Variants in PWWP3A observed in about 807,000 individuals in gnomAD.
PWWP3A encodes the protein PWWP domain containing 3A, DNA repair factor.
Under a neutral mutation model 79.0 loss-of-function variants are expected in PWWP3A, and 53 were observed. The ratio of observed to expected loss-of-function variants is 0.67; its 90% CI spans 0.54 to 0.84. The LOEUF (loss-of-function observed/expected upper bound fraction) is 0.84. Among genes scored for constraint, PWWP3A ranks in the 40% least tolerant of loss-of-function variants. PWWP3A has a pLI of 0.00. For synonymous variants in PWWP3A, 443 were observed against 394.4 expected (o/e 1.12, Z -1.46); for missense variants, 973 against 948.0 (o/e 1.03, Z -0.35).
intron 7 of PWWP3A, 87 bp from the exon 8 acceptor site, chr19:1,366,218 A>T: frequency 1.5e-6 from 2 of 1,320,170 alleles, no homozygotes; most frequent in Non-Finnish European, 1.1e-6. Flanking sequence ...AGCGCCTGTT[A>T]GATGTATCAT....
chr19:1,362,821 A>G (rs1177000855), intron 6 of PWWP3A, among the ~76,000 whole-genome samples: 1 of 152,216 alleles, frequency 6.6e-6, no homozygotes, highest in African/African-American at 2.4e-5. Context: ...AGCTGCTTGC[A>G]CTAGAGGAAA....
rs1463342559 is a variant in PWWP3A, at chr19:1,362,048, C to T, written c.1112-202C>T. The stretch of plus-strand genomic sequence containing the variant: ...GCCTCTCTCCCTCCCTCCTTCCCTC[C>T]TTCCCTCCTTCCCTCTTGCGTTTTT... On this transcript the variant is annotated intron_variant, in intron 5 of 13. Transcript: ENST00000591337. The T allele has an allele frequency of 2.2e-5, 9 of 406,494 alleles. No homozygotes were observed. In the East Asian group the frequency reaches 3.7e-4, roughly 17 times the overall value. 25.2% of individuals were successfully genotyped at this position (406,494 alleles called of 1,614,324 possible).
intron 5 of PWWP3A, 45 bp downstream of exon 5, chr19:1,361,077 T>A: frequency 7.2e-7 from 1 of 1,381,546 alleles, no homozygotes; most frequent in Non-Finnish European, 9.4e-7. Flanking sequence ...GGTGGAGTCC[T>A]GCTCCTCCGC....
At chr19:1,364,614 TTAC>T in intron 7 of PWWP3A, 35 bp downstream of exon 7, 4 of 1,429,842 alleles carry the variant, frequency 2.8e-6, no homozygotes, top group Non-Finnish European at 2.9e-6. Flanking sequence ...TCAGATGTAG[TTAC>T]TTAAATTTCA....
rs1316318624 is a variant in PWWP3A, at chr19:1,370,733, G to C, written c.1641G>C (p.Gly547=). The C allele has an allele frequency of 2.7e-6, 4 of 1,477,870 alleles. No homozygotes were observed. The highest frequency in any genetic ancestry group is 3.6e-6 in the Non-Finnish European group (4 of 1,111,550). 91.5% of individuals were successfully genotyped at this position (1,477,870 alleles called of 1,614,324 possible). A position where few individuals can be genotyped will look rare whatever the true frequency, so the allele number is the denominator to read the frequency against. ...SKGSPEEPVV[G]CPLGQRQPCR... ...GGAGCCCCGAGGAGCCCGTGGTGGG[G>C]TGCCCCCTGGGGCAGAGGCAGCCCT... is the stretch of plus-strand genomic sequence containing the variant. Residue 547 remains glycine (G), a synonymous_variant, in exon 12 of 14, where the codon GGG becomes GGC. Coordinates refer to ENST00000591337, the MANE Select transcript of PWWP3A (RefSeq NM_001369789.1).
chr19:1,360,413 C>T lies in PWWP3A; in HGVS notation c.492C>T (p.Phe164=). The T allele has an allele frequency of 6.2e-7, 1 of 1,614,138 alleles. No individual in the cohort carries two copies. The highest frequency in any genetic ancestry group is 8.5e-7 in the Non-Finnish European group (1 of 1,180,040). The change falls in exon 5 of 14, where the codon TTC becomes TTT. Residue 164 remains phenylalanine (F), a synonymous_variant. Transcript: ENST00000591337. The surrounding 1 kb of genome is among the most constrained non-coding windows in gnomAD (Gnocchi z 4.4). ...TGCAACAAAGCCTGTCAAGTTCGTT[C>T]ACTTGTGAAAAGGACCCCGAGTGCA... ...PCVQQSLSSS[F]TCEKDPECKV...
chr19:1,363,074 G>C lies in PWWP3A; in HGVS notation c.1213+723G>C, dbSNP rs370809524. Among the ~76,000 whole-genome samples the C allele has an allele frequency of 1.4e-4, 22 of 152,344 alleles. No homozygotes were observed. In the East Asian group the frequency reaches 3.9e-3, roughly 27 times the overall value. On this transcript the variant is annotated intron_variant, in intron 6 of 13. Coordinates refer to ENST00000591337, the MANE Select transcript of PWWP3A (RefSeq NM_001369789.1). ...TTGCAAAAATAGTAAAGGGAGGTGA[G>C]GGGGCTTCTCACCCGGGCTTCCCCA... is the stretch of plus-strand genomic sequence containing the variant.
rs750188102 is a variant in PWWP3A at position 1,360,774 on chromosome 19, G to C, written c.853G>C (p.Ala285Pro). 3.3e-5 allele frequency: 53 copies of C among 1,609,690 alleles called. No homozygotes were observed. The highest frequency in any genetic ancestry group is 4.2e-5 in the Non-Finnish European group (50 of 1,178,218). The change falls in exon 5 of 14, where the codon GCC (alanine) becomes CCC (proline). Residue 285 changes from alanine to proline, a missense_variant. Coordinates refer to ENST00000591337, the MANE Select transcript of PWWP3A (RefSeq NM_001369789.1). The surrounding 1 kb of genome is among the most constrained non-coding windows in gnomAD (Gnocchi z 4.4). ...LPLGSLTAPPAPEPSACSEPG... is the reference protein window; with the variant it reads ...LPLGSLTAPPPPEPSACSEPG... ...GTTGGGCAGCCTCACTGCGCCCCCAGCCCCTGAGCCCTCGGCCTGCTCAGA... is the reference window on the plus strand; with the variant it reads ...GTTGGGCAGCCTCACTGCGCCCCCACCCCCTGAGCCCTCGGCCTGCTCAGA...
At position 1,373,119 on chromosome 19, in the gene PWWP3A, G is replaced by T. The variant is rs143416713; in HGVS notation, c.2034G>T (p.Thr678=). The T allele has an allele frequency of 9.3e-5, 150 of 1,614,242 alleles. 2 individuals carry two copies. In the African/African-American group the frequency reaches 1.8e-3, roughly 20 times the overall value. The change falls in exon 13 of 14, where the codon ACG becomes ACT. Residue 678 remains threonine (T), a synonymous_variant. Transcript: ENST00000591337. ...CGGTGGACGAGGTGGACTACAAGAC[G>T]GCTGAGGAGAAGTACATCAAGGGGC... is the stretch of plus-strand genomic sequence containing the variant. The part of the protein sequence containing the change: ...ISAVDEVDYK[T]AEEKYIKGPS...
At position 1,369,291 on chromosome 19, in the gene PWWP3A, GGACATCGGCTGGT is replaced by G; in HGVS notation, c.1451_1463del (p.Asp484ValfsTer12). 1 of 1,614,118 alleles carries G rather than the reference GGACATCGGCTGGT, an allele frequency of 6.2e-7. No individual in the cohort carries two copies. The highest frequency in any genetic ancestry group is 8.5e-7 in the Non-Finnish European group (1 of 1,180,020). On this transcript the variant is annotated frameshift_variant, in exon 10 of 14. Coordinates refer to ENST00000591337, the MANE Select transcript of PWWP3A (RefSeq NM_001369789.1). LOFTEE classifies it high-confidence loss of function. The surrounding 1 kb of genome is among the most constrained non-coding windows in gnomAD (Gnocchi z 4.0). ...ATCAAGCCAGGGAGGACTTCAACCA[GGACATCGGCTGGT>G]GTGTCTCCCTCATCACCGACTACAG...
rs200577591 is a variant in PWWP3A, at chr19:1,357,049, G to C, written c.98G>C (p.Arg33Thr). The C allele has an allele frequency of 6.2e-7, 1 of 1,613,392 alleles. No homozygotes were observed. The highest frequency in any genetic ancestry group is 1.1e-5 in the South Asian group (1 of 90,798). The stretch of plus-strand genomic sequence containing the variant: ...GCGACTTCAACAAAAAATAAGAGAA[G>C]AAAGGAATATTTTCTAGCTGTGCAA... ...RTATSTKNKR[R>T]KEYFLAVQIL... Residue 33 changes from arginine to threonine, a missense_variant, in exon 3 of 14, where the codon AGA becomes ACA. Transcript: ENST00000591337.
At position 1,362,336 on chromosome 19, in the gene PWWP3A, G is replaced by C. The variant is rs2082035895; in HGVS notation, c.1198G>C (p.Val400Leu). Residue 400 changes from valine (V) to leucine (L), a missense_variant, in exon 6 of 14, where the codon GTC becomes CTC. Val to Leu is a conservative substitution (Grantham distance 32). Transcript: ENST00000591337. Reference protein sequence around the residue: ...EDEEDEEPPRVLLYHEPRSFE... With the variant: ...EDEEDEEPPRLLLYHEPRSFE... ...CGAGGAAGACGAGGAGCCACCAAGA[G>C]TCCTTTTATACCACGGTAAGAAATG... The C allele has an allele frequency of 6.2e-7, 1 of 1,613,868 alleles. No individual in the cohort carries two copies. Among genetic ancestry groups the C allele is most frequent in the African/African-American group, 1.3e-5 (1 of 74,920 alleles).
rs1398496818 is a variant in PWWP3A, at chr19:1,376,297, TTTTTTTTTTGTTTG to T, written c.2076-212_2076-199del. Among the ~76,000 whole-genome samples, 89 of 89,284 alleles carry T rather than the reference TTTTTTTTTTGTTTG, an allele frequency of 1.0e-3. 2 individuals are homozygous for T. Among genetic ancestry groups the T allele is most frequent in the African/African-American group, 4.9e-3 (79 of 16,160 alleles). The allele number at this position is 89,284 out of a possible 152,430, so 58.6% of individuals were successfully genotyped here. Reference sequence around the variant, plus strand: ...TGCGCCACCACGCCCGGCTGTTTGTTTTTTTTTTTGTTTGTTTTTTTTTTTTTTTGGTATTTTTT... The same window carrying T: ...TGCGCCACCACGCCCGGCTGTTTGTTTTTTTTTTTTTTTTTGGTATTTTTT... On this transcript the variant is annotated intron_variant, in intron 13 of 13. Transcript: ENST00000591337.
In PWWP3A at chr19:1,376,502, ACT is replaced by A. The variant is rs772478976; in HGVS notation, c.2076-14_2076-13del. The A allele has an allele frequency of 2.1e-5, 34 of 1,611,164 alleles. No individual in the cohort carries two copies. The highest frequency in any genetic ancestry group is 7.7e-5 in the South Asian group (7 of 90,986). On this transcript the variant is annotated splice_polypyrimidine_tract_variant and intron_variant, in intron 13 of 13. Coordinates refer to ENST00000591337, the MANE Select transcript of PWWP3A (RefSeq NM_001369789.1). Reference sequence around the variant, plus strand: ...ACAATGATTAATTACTAAAATGAAGACTCTTGTTTTCTGAAGGGAAAAAGAAA... The same window carrying A: ...ACAATGATTAATTACTAAAATGAAGACTTGTTTTCTGAAGGGAAAAAGAAA...
chr19:1,358,484 T>C lies in PWWP3A; in HGVS notation c.214+20T>C. The C allele has an allele frequency of 6.2e-7, 1 of 1,612,928 alleles. No individual in the cohort carries two copies. Reference sequence around the variant, plus strand: ...CGTTAGGTAAGAGCGTATTTTTAAGTGGCCACTAGGTTTTCATAAAATAAG... The same window carrying C: ...CGTTAGGTAAGAGCGTATTTTTAAGCGGCCACTAGGTTTTCATAAAATAAG... On this transcript the variant is annotated intron_variant, in intron 4 of 13. Transcript: ENST00000591337.
chr19:1,358,664 G>A (rs1388478525), intron 4 of PWWP3A, 200 bp downstream of exon 4: 1 of 1,530,166 alleles, frequency 6.5e-7, no homozygotes, highest in South Asian at 1.2e-5. Flanking sequence ...TTTGCCCCTA[G>A]AACCACTCCT....
At chr19:1,373,790 T>A (rs191537418) in intron 13 of PWWP3A, 8 of 152,934 alleles carry the variant, frequency 5.2e-5, no homozygotes, top group African/African-American at 1.9e-4. Flanking sequence ...CACAGGAGAC[T>A]CCTGGTGAAG....
At position 1,369,315 on chromosome 19, in the gene PWWP3A, C is replaced by T. The variant is rs775388955; in HGVS notation, c.1473C>T (p.Leu491=). The T allele has an allele frequency of 1.4e-5, 23 of 1,613,846 alleles. No individual in the cohort carries two copies. The Admixed American group carries it at 2.3e-4, about 16-fold the overall frequency. The change falls in exon 10 of 14, where the codon CTC becomes CTT. Residue 491 remains leucine, a synonymous_variant. Coordinates refer to ENST00000591337, the MANE Select transcript of PWWP3A (RefSeq NM_001369789.1). This position sits in a 1 kb window ranked among gnomAD's most constrained non-coding sequence, Gnocchi z 4.0. ...AGGACATCGGCTGGTGTGTCTCCCT[C>T]ATCACCGACTACAGGGTCCGGTTAG... ...FNQDIGWCVS[L]ITDYRVRLGC...
At position 1,369,457 on chromosome 19, in the gene PWWP3A, G is replaced by A; in HGVS notation, c.1498+117G>A. On this transcript the variant is annotated intron_variant, in intron 10 of 13. Transcript: ENST00000591337. The surrounding 1 kb of genome is among the most constrained non-coding windows in gnomAD (Gnocchi z 4.0). Reference sequence around the variant, plus strand: ...GCGGGGCATATTTCCGTGGGCCTGGGGCATTCCCTGTGGGTGGGCTGGGGT... The same window carrying A: ...GCGGGGCATATTTCCGTGGGCCTGGAGCATTCCCTGTGGGTGGGCTGGGGT... The A allele has an allele frequency of 6.8e-7, 1 of 1,478,744 alleles. No homozygotes were observed. The highest frequency in any genetic ancestry group is 9.4e-7 in the Non-Finnish European group (1 of 1,060,350). 91.6% of individuals were successfully genotyped at this position (1,478,744 alleles called of 1,614,324 possible). A position where few individuals can be genotyped will look rare whatever the true frequency, so the allele number is the denominator to read the frequency against.
Sources: gnomAD v4.1 joint callset for allele counts (sites outside exome capture counted in the v4.1 genomes callset) on GRCh38, gnomAD v4.1.1 for gene constraint, Gnocchi (gnomAD v3.1) non-coding constraint, MANE v1.5 for transcripts, NCBI Gene and HGNC (gene_info 2026-07-23, HGNC 2026-07-21) for gene names.